Variants in USP46 observed in about 807,000 individuals in gnomAD.
USP46 encodes the protein ubiquitin specific peptidase 46, also known as ubiquitin carboxyl-terminal hydrolase 46.
USP46 carries 12 observed loss-of-function variants against 44.4 expected under a neutral mutation model. That is an observed-to-expected ratio of 0.27 (90% CI 0.17 to 0.44). USP46 has a LOEUF of 0.44. USP46 is among the 20% of genes least tolerant of loss of function. The pLI is 1.00. For missense variants in USP46, 248 were observed against 444.8 expected, an observed-to-expected ratio of 0.56 and a Z score of 3.98; for synonymous variants, 155 against 161.5, an observed-to-expected ratio of 0.96 and a Z score of 0.31.
chr4:52,630,736 C>CAAAAAAAAA (rs10566870), intron 2 of USP46, among the ~76,000 whole-genome samples: 1 of 92,290 alleles, frequency 1.1e-5, no homozygotes, highest in Non-Finnish European at 2.2e-5. Context: ...GACTCTGTCT[C>CAAAAAAAAA]AAAAAAAAAA....
At chr4:52,610,097 TG>T (rs1001521949) in intron 5 of USP46, among the ~76,000 whole-genome samples, 2 of 150,154 alleles carry the variant, frequency 1.3e-5, no homozygotes, top group Non-Finnish European at 3.0e-5. Context: ...GGCTAATTTT[TG>T]TATTTTTAGT....
chr4:52,644,836 T>G (rs949402621), intron 1 of USP46, among the ~76,000 whole-genome samples: 1 of 150,528 alleles, frequency 6.6e-6, no homozygotes, highest in African/African-American at 2.5e-5. Context: ...GGTGGGTGGA[T>G]CACGCGGTCA....
At chr4:52,613,529 C>G (rs2109611672) in intron 4 of USP46, among the ~76,000 whole-genome samples, 1 of 152,152 alleles carries the variant, frequency 6.6e-6, no homozygotes, top group South Asian at 2.1e-4. Context: ...GGAGGCCAGC[C>G]TGGCCAAGAT....
At chr4:52,656,520 T>C (rs1217005565) in intron 1 of USP46, 3 of 1,420,888 alleles carry the variant, frequency 2.1e-6, no homozygotes, top group Non-Finnish European at 1.8e-6. Context: ...TTTATATTAG[T>C]GGTTGCTTCC....
chr4:52,611,400 A>G (rs995481529), intron 4 of USP46, among the ~76,000 whole-genome samples: 1 of 152,244 alleles, frequency 6.6e-6, no homozygotes, highest in African/African-American at 2.4e-5. Flanking sequence ...TTCACTGACA[A>G]CCCTGGGGTT....
Position 52,659,135 on chromosome 4 carries a change from T to C in USP46, c.16A>G (p.Ile6Val). Residue 6 changes from isoleucine to valine, a missense_variant, in exon 1 of 9, where the codon ATC becomes GTC. Physicochemically the swap from Ile to Val is conservative, Grantham distance 29. Transcript: ENST00000441222. The surrounding 1 kb of genome is among the most constrained non-coding windows in gnomAD (Gnocchi z 4.2). MTVRN[I>V]ASICNMGTNA... is the part of the protein sequence containing the mutation. ...CTCACCATATTACAGATGGAGGCGA[T>C]GTTTCGGACAGTCATTAGTCTAAAG... 2.5e-6 allele frequency: 4 copies of C among 1,569,180 alleles called. No homozygotes were observed. Among genetic ancestry groups the C allele is most frequent in the Non-Finnish European group, 3.5e-6 (4 of 1,158,874 alleles).
chr4:52,620,556 A>C (rs992423445), intron 4 of USP46, among the ~76,000 whole-genome samples: 27 of 152,274 alleles, frequency 1.8e-4, no homozygotes, highest in Admixed American at 1.5e-3. Context: ...TGGGAAAAAA[A>C]CCCCACATAT....
chr4:52,651,833 G>A (rs910533702), intron 1 of USP46, among the ~76,000 whole-genome samples: 1 of 152,066 alleles, frequency 6.6e-6, no homozygotes, highest in Non-Finnish European at 1.5e-5. Context: ...GCACAGGCAG[G>A]TCTCCCAAAT....
At chr4:52,658,152 G>C (rs4311371) in intron 1 of USP46, 1 of 453,448 alleles carries the variant, frequency 2.2e-6, no homozygotes, top group Non-Finnish European at 4.4e-6. Flanking sequence ...AAAGAATGTA[G>C]GCAAAACACA....
chr4:52,654,043 C>T (rs904887178), intron 1 of USP46, among the ~76,000 whole-genome samples: 1 of 152,004 alleles, frequency 6.6e-6, no homozygotes, highest in Non-Finnish European at 1.5e-5. Flanking sequence ...AACTAAATAC[C>T]AGCATTCAAC....
rs547923974 is a variant in USP46 at position 52,658,910 on chromosome 4, T to C, written c.36+205A>G. Among the ~76,000 whole-genome samples the C allele has an allele frequency of 2.0e-5, 3 of 151,286 alleles. No homozygotes were observed. The South Asian group carries it at 6.3e-4, about 32-fold the overall frequency. On this transcript the variant is annotated intron_variant, in intron 1 of 8. Transcript: ENST00000441222. The stretch of plus-strand genomic sequence containing the variant: ...CGGGCGGGTTCCGAGGTCCCGGGGC[T>C]GAGACGGGCGCCGGGGGCTCGGGGA...
chr4:52,627,832 T>G, intron 3 of USP46, 118 bp downstream of exon 3: 1 of 1,142,154 alleles, frequency 8.8e-7, no homozygotes, highest in Non-Finnish European at 1.2e-6. Context: ...CACCGAGTAG[T>G]TAACCATGCT....
intron 1 of USP46, among the ~76,000 whole-genome samples, chr4:52,657,824 C>T (rs1439536602): frequency 6.6e-6 from 1 of 152,236 alleles, no homozygotes; most frequent in African/African-American, 2.4e-5. Flanking sequence ...GACAGTGGCA[C>T]GTCCCATTGT....
intron 1 of USP46, among the ~76,000 whole-genome samples, chr4:52,655,765 T>C (rs1381164693): frequency 6.6e-6 from 1 of 152,204 alleles, no homozygotes; most frequent in African/African-American, 2.4e-5. Context: ...CCAAGCTGCC[T>C]TGCCCTGAGC....
At chr4:52,604,729 G>C in intron 5 of USP46, 145 bp from the exon 6 acceptor site, 1 of 585,692 alleles carries the variant, frequency 1.7e-6, no homozygotes, top group Non-Finnish European at 2.8e-6. Flanking sequence ...CTTAAGACTA[G>C]GATGGTAGAG....
chr4:52,620,521 G>C (rs1717337568), intron 4 of USP46, among the ~76,000 whole-genome samples: 1 of 152,132 alleles, frequency 6.6e-6, no homozygotes, highest in African/African-American at 2.4e-5. Flanking sequence ...TACGCTCAGT[G>C]CTTCAGGCTT....
chr4:52,649,102 C>A (rs574451663), intron 1 of USP46, among the ~76,000 whole-genome samples: 7 of 152,328 alleles, frequency 4.6e-5, no homozygotes, highest in South Asian at 2.1e-4. Flanking sequence ...GTGAATTTGG[C>A]CTCTGCTTTT....
intron 1 of USP46, among the ~76,000 whole-genome samples, chr4:52,649,514 A>T (rs1718675860): frequency 6.6e-6 from 1 of 152,240 alleles, no homozygotes; most frequent in African/African-American, 2.4e-5. Flanking sequence ...TGCTCTAAAA[A>T]TGGTCCCGAA....
chr4:52,629,417 TTC>T (rs1381235401), intron 2 of USP46, among the ~76,000 whole-genome samples: 2 of 152,164 alleles, frequency 1.3e-5, no homozygotes, highest in African/African-American at 4.8e-5. Context: ...TTTCTCTTTT[TTC>T]TCTCTCTCCA....
Sources: gnomAD v4.1 joint callset for allele counts (sites outside exome capture counted in the v4.1 genomes callset) on GRCh38, gnomAD v4.1.1 for gene constraint, Gnocchi (gnomAD v3.1) non-coding constraint, MANE v1.5 for transcripts, NCBI Gene and HGNC (gene_info 2026-07-23, HGNC 2026-07-21) for gene names.